Variants in LRRC4C observed in about 807,000 individuals in gnomAD.
The protein encoded by LRRC4C is leucine-rich repeat-containing protein 4C.
A neutral mutation model predicts 33.6 loss-of-function variants in LRRC4C; 5 were observed. The observed-to-expected ratio is 0.15, with a 90% CI of 0.08 to 0.31. The LOEUF is 0.31. Among genes scored for constraint, LRRC4C ranks in the 10% least tolerant of loss-of-function variants. The probability of loss-of-function intolerance (pLI) is 1.00; values close to 1 mark genes in which losing one functional copy is unlikely to be tolerated. For synonymous variants in LRRC4C, 329 were observed against 302.0 expected (o/e 1.09, Z -0.93); for missense variants, 560 against 796.7 (o/e 0.70, Z 3.58).
intron 1 of LRRC4C, among the ~76,000 whole-genome samples, chr11:40,970,898 A>T: frequency 6.6e-6 from 1 of 152,288 alleles, no homozygotes; most frequent in Non-Finnish European, 1.5e-5. Context: ...TGAACTTGAA[A>T]GTGATGATTC....
chr11:41,296,996 G>C (rs189081775), intron 1 of LRRC4C, among the ~76,000 whole-genome samples: 71 of 152,190 alleles, frequency 4.7e-4, no homozygotes, highest in African/African-American at 1.6e-3. Flanking sequence ...TTATTCCATT[G>C]ATTATAATGT....
intron 3 of LRRC4C, among the ~76,000 whole-genome samples, chr11:40,514,193 GA>G (rs532271689): frequency 2.7e-4 from 41 of 152,320 alleles, no homozygotes; most frequent in African/African-American, 9.9e-4. Flanking sequence ...ATACGTTCAT[GA>G]ACCTCTTCTA....
chr11:41,122,761 T>C (rs1942506897), intron 1 of LRRC4C: 1 of 152,094 alleles, frequency 6.6e-6, no homozygotes, highest in Admixed American at 6.6e-5. Flanking sequence ...AGACGAACTA[T>C]AGCAGGTAGA....
chr11:40,898,353 C>CAAAA lies in LRRC4C; in HGVS notation c.-407+35278_-407+35281dup, dbSNP rs765252333. Among the ~76,000 whole-genome samples, 4 of 38,372 alleles carry CAAAA rather than the reference C, an allele frequency of 1.0e-4. 1 individual carries two copies. The highest frequency in any genetic ancestry group is 4.2e-4 in the African/African-American group (4 of 9,582). 25.2% of individuals were successfully genotyped at this position (38,372 alleles called of 152,430 possible). On this transcript the variant is annotated intron_variant, in intron 2 of 6. Transcript: ENST00000528697. ...GGGCAACAAGAGTGAAACTCCATCT[C>CAAAA]AAAAAAAAAAAAAAAAAAAGAAAAA... is the stretch of plus-strand genomic sequence containing the variant.
At chr11:41,133,326 A>T (rs552245745) in intron 1 of LRRC4C, among the ~76,000 whole-genome samples, 2 of 152,268 alleles carry the variant, frequency 1.3e-5, no homozygotes, top group South Asian at 4.1e-4. Context: ...CTCCAAAGAG[A>T]GTAGAAAATA....
At chr11:41,008,282 T>C (rs1854914516) in intron 1 of LRRC4C, among the ~76,000 whole-genome samples, 1 of 152,140 alleles carries the variant, frequency 6.6e-6, no homozygotes, top group Non-Finnish European at 1.5e-5. Flanking sequence ...CCTCTAACAT[T>C]GTTCCATTAC....
chr11:41,186,158 C>CA (rs1267077197), intron 1 of LRRC4C, among the ~76,000 whole-genome samples: 2 of 151,246 alleles, frequency 1.3e-5, no homozygotes, highest in African/African-American at 4.9e-5. Context: ...CTGATGAAGC[C>CA]AAAAAAAGGA....
At chr11:40,913,862 G>T (rs977234736) in intron 2 of LRRC4C, among the ~76,000 whole-genome samples, 2 of 151,832 alleles carry the variant, frequency 1.3e-5, no homozygotes, top group Non-Finnish European at 2.9e-5. Flanking sequence ...ATGATAAAGG[G>T]GATATCACCA....
chr11:40,478,228 T>A (rs1025144693), intron 3 of LRRC4C, among the ~76,000 whole-genome samples: 1 of 152,220 alleles, frequency 6.6e-6, no homozygotes, highest in African/African-American at 2.4e-5. Context: ...CTATTATCTA[T>A]GTTTTTAATT....
At chr11:41,172,346 C>G (rs1458745982) in intron 1 of LRRC4C, among the ~76,000 whole-genome samples, 1 of 152,118 alleles carries the variant, frequency 6.6e-6, no homozygotes, top group Admixed American at 6.6e-5. Flanking sequence ...GCTTTCCTGA[C>G]CTTTGTATAC....
chr11:40,656,176 T>A (rs1943100194), intron 2 of LRRC4C, among the ~76,000 whole-genome samples: 3 of 152,174 alleles, frequency 2.0e-5, no homozygotes, highest in Admixed American at 2.0e-4. Context: ...CACATCCTTA[T>A]GACTGCTAAC....
chr11:41,100,283 C>A (rs1941087044), intron 1 of LRRC4C, among the ~76,000 whole-genome samples: 1 of 152,022 alleles, frequency 6.6e-6, no homozygotes, highest in South Asian at 2.1e-4. Flanking sequence ...ATTAAAATAG[C>A]TGGCTGGGTG....
intron 2 of LRRC4C, among the ~76,000 whole-genome samples, chr11:40,825,975 C>A (rs1033777394): frequency 7.0e-6 from 1 of 143,340 alleles, no homozygotes; most frequent in Non-Finnish European, 1.5e-5. Context: ...TCAATGAGTA[C>A]AGGAGGATAA....
intron 3 of LRRC4C, among the ~76,000 whole-genome samples, chr11:40,549,039 T>G (rs1256052106): frequency 1.3e-5 from 2 of 152,164 alleles, no homozygotes; most frequent in Non-Finnish European, 2.9e-5. Flanking sequence ...AAAATCCAAA[T>G]GTGTTACCTG....
intron 1 of LRRC4C, among the ~76,000 whole-genome samples, chr11:41,208,260 T>C (rs1383033455): frequency 6.6e-6 from 1 of 152,164 alleles, no homozygotes; most frequent in Admixed American, 6.5e-5. Context: ...AGTGATAAAA[T>C]TGGTTATTTA....
intron 1 of LRRC4C, among the ~76,000 whole-genome samples, chr11:41,308,006 C>T (rs1032537435): frequency 6.6e-6 from 1 of 152,270 alleles, no homozygotes; most frequent in South Asian, 2.1e-4. Context: ...CCCTTAGGAC[C>T]TGTAGGTGAC....
chr11:40,696,738 T>C (rs894018323), intron 2 of LRRC4C, among the ~76,000 whole-genome samples: 3 of 97,194 alleles, frequency 3.1e-5, no homozygotes, highest in African/African-American at 1.1e-4. Flanking sequence ...TGTGCATATA[T>C]ATACACTGTG....
chr11:40,400,148 T>C (rs1318598731), intron 3 of LRRC4C, among the ~76,000 whole-genome samples: 1 of 152,042 alleles, frequency 6.6e-6, no homozygotes, highest in Non-Finnish European at 1.5e-5. Context: ...TGGGATTCCC[T>C]CAGACATAGT....
chr11:40,518,287 G>A (rs1955655367), intron 3 of LRRC4C, among the ~76,000 whole-genome samples: 1 of 152,166 alleles, frequency 6.6e-6, no homozygotes, highest in South Asian at 2.1e-4. Context: ...AAGAGCTTCT[G>A]CATAGCAAAA....
Sources: gnomAD v4.1 joint callset for allele counts (sites outside exome capture counted in the v4.1 genomes callset) on GRCh38, gnomAD v4.1.1 for gene constraint, MANE v1.5 for transcripts, NCBI Gene and HGNC (gene_info 2026-07-23, HGNC 2026-07-21) for gene names.